The following SYNE4 variants were observed in gnomAD, a reference collection of about 807,000 sequenced individuals.
SYNE4 encodes the protein spectrin repeat containing nuclear envelope family member 4.
SYNE4 carries 41 observed loss-of-function variants against 46.9 expected under a neutral mutation model. That is an observed-to-expected ratio of 0.87 (90% confidence interval 0.68 to 1.13). The LOEUF (loss-of-function observed/expected upper bound fraction) is 1.13, where lower values mean the gene tolerates loss of function less well. Ranked by LOEUF, SYNE4 falls within the 50% of genes most tolerant of loss-of-function variation. The probability of loss-of-function intolerance (pLI) is 0.00; values close to 1 mark genes in which losing one functional copy is unlikely to be tolerated. For missense variants in SYNE4, 492 were observed against 514.8 expected (o/e 0.96, Z 0.43); for synonymous variants, 221 against 219.5 (o/e 1.01, Z -0.06).
intron 5 of SYNE4, 119 bp from the exon 6 acceptor site, chr19:36,005,556 G>A (rs1373191852): frequency 1.5e-5 from 12 of 798,762 alleles, no homozygotes; most frequent in Non-Finnish European, 2.4e-5. Flanking sequence ...CAGAGCCAAA[G>A]AAACCAAGAG....
rs1255370457 is a variant in SYNE4 at position 36,005,434 on chromosome 19, C to T, written c.871G>A (p.Ala291Thr). ...TCCTGTCGGGAGTGAGAGGTGTCTG[C>T]TTCCTGGAGAACCAGCAACAAAGAA... ...PQGRGQGLEE[A>T]DTSHSRQDML... is the part of the protein sequence containing the mutation. Residue 291 changes from alanine (A) to threonine (T), a missense_variant, in exon 6 of 8, where the codon GCA (alanine) becomes ACA (threonine). Transcript: ENST00000324444. 6.2e-7 allele frequency: 1 copy of T among 1,613,788 alleles called. No homozygotes were observed. Among genetic ancestry groups the T allele is most frequent in the Non-Finnish European group, 8.5e-7 (1 of 1,179,926 alleles).
intron 6 of SYNE4, among the ~76,000 whole-genome samples, chr19:36,004,866 CTTTTTTTTTTTTTTTT>C (rs59700541): frequency 1.1e-5 from 1 of 89,908 alleles, no homozygotes. Flanking sequence ...TTCTTTCTTT[CTTTTTTTTTTTTTTTT>C]TTTTTTTTTT....
At chr19:36,007,418 G>T (rs375770535) in intron 2 of SYNE4, 150 bp from the exon 3 acceptor site, 35 of 1,424,464 alleles carry the variant, frequency 2.5e-5, no homozygotes, top group Admixed American at 9.3e-5. Flanking sequence ...GCTCCCACTG[G>T]GGGGGCCTTC....
rs1237593702 is a variant in SYNE4 at position 36,003,326 on chromosome 19, T to C, written c.*11A>G. On this transcript the variant is annotated 3_prime_UTR_variant, in exon 8 of 8. Coordinates refer to ENST00000324444, the MANE Select transcript of SYNE4 (RefSeq NM_001039876.3). Reference sequence around the variant, plus strand: ...CACACATCCTTTGACAGTGACCATTTATTACACACATCAGACTGGGGGAAG... The same window carrying C: ...CACACATCCTTTGACAGTGACCATTCATTACACACATCAGACTGGGGGAAG... 5 of 1,613,752 alleles carry C rather than the reference T, an allele frequency of 3.1e-6. No homozygotes were observed. The highest frequency in any genetic ancestry group is 4.2e-6 in the Non-Finnish European group (5 of 1,179,938).
In SYNE4 at chr19:36,008,273, G is replaced by T. The variant is rs199759431; in HGVS notation, c.223C>A (p.Pro75Thr). 5 of 1,604,042 alleles carry T rather than the reference G, an allele frequency of 3.1e-6. No homozygotes were observed. The highest frequency in any genetic ancestry group is 4.3e-6 in the Non-Finnish European group (5 of 1,174,798). Residue 75 changes from proline to threonine, a missense_variant, in exon 2 of 8, where the codon CCG (proline) becomes ACG (threonine). Pro to Thr is a conservative substitution (Grantham distance 38, BLOSUM62 -1). Coordinates refer to ENST00000324444, the MANE Select transcript of SYNE4 (RefSeq NM_001039876.3). ...PRGNEPAAHP[P>T]RWSTPSSYED... is the part of the protein sequence containing the mutation. ...TAGGAAGAGGGTGTTGACCATCTCG[G>T]GGGGTGAGCGGCAGGCTCATTGCCC... is the stretch of plus-strand genomic sequence containing the variant.
Position 36,008,631 on chromosome 19 carries a change from G to A in SYNE4, c.51C>T (p.Asn17=), listed in dbSNP as rs1968477872. 1 of 1,614,048 alleles carries A rather than the reference G, an allele frequency of 6.2e-7. No homozygotes were observed. The highest frequency in any genetic ancestry group is 8.5e-7 in the Non-Finnish European group (1 of 1,179,940). The change falls in exon 1 of 8, where the codon AAC becomes AAT. Residue 17 remains asparagine (N), a synonymous_variant. Coordinates refer to ENST00000324444, the MANE Select transcript of SYNE4 (RefSeq NM_001039876.3). ...CCTCTCTAGGTGCTCCCGGTGGGTGGTTGAGGGGCTCTGAGCCAAGTCTAG... is the reference window on the plus strand; with the variant it reads ...CCTCTCTAGGTGCTCCCGGTGGGTGATTGAGGGGCTCTGAGCCAAGTCTAG... The part of the protein sequence containing the change: ...LGPRLGSEPL[N]HPPGAPREAD...
Position 36,006,467 on chromosome 19 carries a change from G to A in SYNE4, c.823C>T (p.Leu275=), listed in dbSNP as rs775225087. ...TARTLGVPCE[L]CGQRGPQGRG... ...CCCTGGGGCCCCCTCTGGCCACACA[G>A]CTCACAGGGCACTCCTAGTGTCCGG... Residue 275 remains leucine (L), a synonymous_variant, in exon 5 of 8, where the codon CTG becomes TTG. Coordinates refer to ENST00000324444, the MANE Select transcript of SYNE4 (RefSeq NM_001039876.3). 1.9e-6 allele frequency: 3 copies of A among 1,612,044 alleles called. No individual in the cohort carries two copies. In the Admixed American group the frequency reaches 5.0e-5, roughly 27 times the overall value.
At chr19:36,005,534 G>C in intron 5 of SYNE4, 97 bp from the exon 6 acceptor site, 2 of 1,110,568 alleles carry the variant, frequency 1.8e-6, no homozygotes, top group Non-Finnish European at 2.6e-6. Flanking sequence ...GATCTCACAG[G>C]ACAGACAAAG....
rs370305649 is a variant in SYNE4 at position 36,008,292 on chromosome 19, A to G, written c.204T>C (p.Asn68=). ...ATCTCGGGGGGTGAGCGGCAGGCTC[A>G]TTGCCCCTTGGCCCACCCTGGAAGT... ...PEHFQGGPRG[N]EPAAHPPRWS... Residue 68 remains asparagine, a synonymous_variant, in exon 2 of 8, where the codon AAT becomes AAC. Coordinates refer to ENST00000324444, the MANE Select transcript of SYNE4 (RefSeq NM_001039876.3). 1.3e-6 allele frequency: 2 copies of G among 1,595,820 alleles called. No homozygotes were observed. Among genetic ancestry groups the G allele is most frequent in the African/African-American group, 2.7e-5 (2 of 74,484 alleles).
In SYNE4 at chr19:36,008,556, C is replaced by T. The variant is rs1290328493; in HGVS notation, c.126G>A (p.Thr42=). The change falls in exon 1 of 8, where the codon ACG becomes ACA. Residue 42 remains threonine, a splice_region_variant and synonymous_variant. Coordinates refer to ENST00000324444, the MANE Select transcript of SYNE4 (RefSeq NM_001039876.3). ...TVCPASGEES[T]SPEQAQTLGQ... Reference sequence around the variant, plus strand: ...GCTTCCAAAGCCCCGGCCCCCACCTCGTGCTCTCCTCTCCGGACGCGGGGC... The same window carrying T: ...GCTTCCAAAGCCCCGGCCCCCACCTTGTGCTCTCCTCTCCGGACGCGGGGC... The T allele has an allele frequency of 2.5e-6, 4 of 1,613,716 alleles. No individual in the cohort carries two copies. Among genetic ancestry groups the T allele is most frequent in the Non-Finnish European group, 3.4e-6 (4 of 1,179,922 alleles).
chr19:36,005,633 G>GTT, intron 5 of SYNE4, 196 bp from the exon 6 acceptor site: 1 of 573,210 alleles, frequency 1.7e-6, no homozygotes, highest in East Asian at 3.0e-5. Context: ...GCCAGGAACT[G>GTT]TTCTAGGAGC....
chr19:36,004,038 G>T (rs1166966065), intron 6 of SYNE4, among the ~76,000 whole-genome samples: 1 of 151,836 alleles, frequency 6.6e-6, no homozygotes, highest in African/African-American at 2.4e-5. Flanking sequence ...TTTGAGACAG[G>T]GTCTCAGTCA....
Position 36,003,518 on chromosome 19 carries a change from G to A in SYNE4, c.1034C>T (p.Ala345Val). The change falls in exon 8 of 8, where the codon GCC (alanine) becomes GTC (valine). Residue 345 changes from alanine (A) to valine (V), a missense_variant and splice_region_variant. Physicochemically the swap from Ala to Val is moderately conservative, Grantham distance 64. Transcript: ENST00000324444. Reference sequence around the variant, plus strand: ...AGGCTGCCTGGATGCAGGATCGGGGGCCCTGTGAAGGGAAATGCAGTGTTA... The same window carrying A: ...AGGCTGCCTGGATGCAGGATCGGGGACCCTGTGAAGGGAAATGCAGTGTTA... ...QDVRLEGNPG[A>V]PDPASRQPLT... The A allele has an allele frequency of 6.3e-7, 1 of 1,597,502 alleles. No homozygotes were observed. The highest frequency in any genetic ancestry group is 1.1e-5 in the South Asian group (1 of 89,008).
chr19:36,003,716 CTTTA>C (rs769149928), intron 6 of SYNE4, 45 bp from the exon 7 acceptor site: 3 of 1,591,012 alleles, frequency 1.9e-6, no homozygotes, highest in African/African-American at 1.3e-5. Flanking sequence ...AGAAATGATG[CTTTA>C]TTTGTTTATT....
At chr19:36,006,084 A>C in intron 5 of SYNE4, 1 of 275,654 alleles carries the variant, frequency 3.6e-6, no homozygotes. Context: ...GAGTGCTGTT[A>C]GGAAATAAAG....
At position 36,008,209 on chromosome 19, in the gene SYNE4, C is replaced by T; in HGVS notation, c.279+8G>A. ...CTGGCACAAGGGGTCTGGGTCACCT[C>T]AGCTCACCTCACAGTGTTTGCCCCC... On this transcript the variant is annotated splice_region_variant and intron_variant, in intron 2 of 7. Transcript: ENST00000324444. The T allele has an allele frequency of 6.2e-7, 1 of 1,608,540 alleles. No individual in the cohort carries two copies. Among genetic ancestry groups the T allele is most frequent in the East Asian group, 2.2e-5 (1 of 44,782 alleles).
chr19:36,006,940 A>G lies in SYNE4; in HGVS notation c.428T>C (p.Leu143Pro). ...AGCTGCCCCTCGTAGGTCCACCTGG[A>G]GGGCCTGGGGACATATGGACATCAC... ...AQSGMVQLQA[L>P]QVDLRGAAER... Residue 143 changes from leucine to proline, a missense_variant, in exon 4 of 8, where the codon CTC (leucine) becomes CCC (proline). Transcript: ENST00000324444. 6.5e-7 allele frequency: 1 copy of G among 1,547,328 alleles called. No individual in the cohort carries two copies. The highest frequency in any genetic ancestry group is 8.7e-7 in the Non-Finnish European group (1 of 1,145,332).
At chr19:36,004,199 TG>T (rs1221002448) in intron 6 of SYNE4, among the ~76,000 whole-genome samples, 1 of 152,080 alleles carries the variant, frequency 6.6e-6, no homozygotes, top group East Asian at 1.9e-4. Flanking sequence ...TTTGTAGAGA[TG>T]GGGGGAGGGG....
In SYNE4 at chr19:36,006,691, T is replaced by A; in HGVS notation, c.619-20A>T. 6.3e-7 allele frequency: 1 copy of A among 1,591,476 alleles called. No individual in the cohort carries two copies. The highest frequency in any genetic ancestry group is 8.6e-7 in the Non-Finnish European group (1 of 1,166,932). On this transcript the variant is annotated intron_variant, in intron 4 of 7. Transcript: ENST00000324444. ...GAACACCTGGGTCAAAGGACAGAGG[T>A]CATGGAGGCTATGAGGTTGGGGCCT...
Sources: allele counts gnomAD v4.1 joint callset (sites outside exome capture counted in the v4.1 genomes callset), GRCh38; gene constraint gnomAD v4.1.1; transcripts MANE v1.5; gene names NCBI Gene and HGNC (gene_info 2026-07-23, HGNC 2026-07-21).